Variants in CACNA2D1 observed in about 807,000 individuals in gnomAD.
The protein encoded by CACNA2D1 is calcium voltage-gated channel auxiliary subunit alpha2delta 1, also known as voltage-dependent calcium channel subunit alpha-2/delta-1.
In CACNA2D1, 53 loss-of-function variants were observed where a neutral mutation model predicts 171.5. That is an observed-to-expected ratio of 0.31 (90% CI 0.25 to 0.39). CACNA2D1 has a LOEUF of 0.39. Ranked by LOEUF, CACNA2D1 falls within the 10% of genes least tolerant of loss-of-function variation. The pLI is 1.00. For synonymous variants in CACNA2D1, 442 were observed against 443.1 expected (o/e 1.00, Z 0.03); for missense variants, 903 against 1,299.8 (o/e 0.69, Z 4.69).
intron 34 of CACNA2D1, among the ~76,000 whole-genome samples, chr7:81,962,801 C>T (rs1235318050): frequency 6.6e-6 from 1 of 151,922 alleles, no homozygotes; most frequent in Non-Finnish European, 1.5e-5. Flanking sequence ...TCTGTTTCAG[C>T]GCGTAGGTTT....
chr7:82,391,611 T>C (rs1436759063), intron 1 of CACNA2D1, among the ~76,000 whole-genome samples: 3 of 152,254 alleles, frequency 2.0e-5, no homozygotes, highest in African/African-American at 7.2e-5. Flanking sequence ...TTGTCTTTTA[T>C]GTTTTGTTTC....
chr7:82,418,294 A>G (rs73388010), intron 1 of CACNA2D1, among the ~76,000 whole-genome samples: 7,439 of 152,184 alleles, frequency 0.049, 328 homozygotes, highest in East Asian at 0.12. Context: ...CCCCTACCAC[A>G]ACACATGGGG....
rs71093370 is a variant in CACNA2D1 at position 82,232,861 on chromosome 7, C to CAAA, written c.295-62255_295-62253dup. Among the ~76,000 whole-genome samples the CAAA allele has an allele frequency of 3.1e-3, 163 of 52,462 alleles. 10 individuals are homozygous for CAAA. The highest frequency in any genetic ancestry group is 7.1e-3 in the Admixed American group (19 of 2,672). 34.4% of individuals were successfully genotyped at this position (52,462 alleles called of 152,430 possible). A position where few individuals can be genotyped will look rare whatever the true frequency, so the allele number is the denominator to read the frequency against. ...CCTGGGCAACAGAGCGAGATGTCTCCAAAAAAAAAAAAAAAAAAAAAAAAA... is the reference window on the plus strand; with the variant it reads ...CCTGGGCAACAGAGCGAGATGTCTCCAAAAAAAAAAAAAAAAAAAAAAAAAAAA... On this transcript the variant is annotated intron_variant, in intron 3 of 38. Coordinates refer to ENST00000356860, the MANE Select transcript of CACNA2D1 (RefSeq NM_000722.4).
chr7:82,120,223 T>C (rs535997649), intron 5 of CACNA2D1, among the ~76,000 whole-genome samples: 2 of 152,192 alleles, frequency 1.3e-5, no homozygotes, highest in East Asian at 3.9e-4. Context: ...GTGTGTAGGA[T>C]CCTGTGTGAT....
chr7:82,290,102 C>T (rs1027658507), intron 3 of CACNA2D1, among the ~76,000 whole-genome samples: 1 of 152,056 alleles, frequency 6.6e-6, no homozygotes, highest in Non-Finnish European at 1.5e-5. Flanking sequence ...AAAGTAATTG[C>T]GGTTTTTGCC....
chr7:82,358,210 T>C (rs1387044863), intron 1 of CACNA2D1, among the ~76,000 whole-genome samples: 1 of 152,156 alleles, frequency 6.6e-6, no homozygotes, highest in Admixed American at 6.6e-5. Flanking sequence ...CCTATTTTTG[T>C]TATATAATAA....
intron 1 of CACNA2D1, among the ~76,000 whole-genome samples, chr7:82,357,545 T>C (rs1356394950): frequency 6.6e-6 from 1 of 152,150 alleles, no homozygotes; most frequent in Non-Finnish European, 1.5e-5. Flanking sequence ...GGATAAGTCC[T>C]CTGGAAAAAA....
chr7:82,002,501 C>G (rs1211254486), intron 18 of CACNA2D1, among the ~76,000 whole-genome samples: 2 of 152,154 alleles, frequency 1.3e-5, no homozygotes, highest in Non-Finnish European at 2.9e-5. Flanking sequence ...CCTTTGTTTT[C>G]TGAAGTGATA....
chr7:82,124,256 A>T (rs1790077566), intron 5 of CACNA2D1, among the ~76,000 whole-genome samples: 1 of 152,278 alleles, frequency 6.6e-6, no homozygotes, highest in African/African-American at 2.4e-5. Flanking sequence ...CTAAATCAAA[A>T]GGAAAACTCA....
intron 24 of CACNA2D1, among the ~76,000 whole-genome samples, chr7:81,982,344 G>T (rs751090637): frequency 6.6e-6 from 1 of 152,150 alleles, no homozygotes; most frequent in African/African-American, 2.4e-5. Context: ...TGGCCAGATG[G>T]TCTTGATCTT....
intron 6 of CACNA2D1, among the ~76,000 whole-genome samples, chr7:82,104,837 T>C (rs995989875): frequency 6.6e-6 from 1 of 152,114 alleles, no homozygotes; most frequent in African/African-American, 2.4e-5. Flanking sequence ...AATATATCAA[T>C]AGTATTCTTC....
chr7:82,403,866 A>G (rs1826731021), intron 1 of CACNA2D1, among the ~76,000 whole-genome samples: 2 of 152,234 alleles, frequency 1.3e-5, no homozygotes, highest in African/African-American at 4.8e-5. Context: ...CTGAAAGACA[A>G]AAGTATTTTT....
intron 2 of CACNA2D1, among the ~76,000 whole-genome samples, chr7:82,341,850 A>G (rs1818674506): frequency 6.6e-6 from 1 of 151,434 alleles, no homozygotes; most frequent in South Asian, 2.1e-4. Context: ...GATCCAGACC[A>G]TCCTGGCTAA....
intron 9 of CACNA2D1, 40 bp from the exon 10 acceptor site, chr7:82,060,567 T>C (rs1350342844): frequency 8.6e-7 from 1 of 1,164,982 alleles, no homozygotes; most frequent in African/African-American, 1.5e-5. Flanking sequence ...TTACTCATCA[T>C]GTATTTAATC....
chr7:82,035,920 A>G (rs1282589410), intron 11 of CACNA2D1, among the ~76,000 whole-genome samples: 1 of 152,148 alleles, frequency 6.6e-6, no homozygotes, highest in Non-Finnish European at 1.5e-5. Context: ...TAACAAACAT[A>G]TGCATCTCAC....
At chr7:82,147,018 C>A (rs10229348) in intron 4 of CACNA2D1, among the ~76,000 whole-genome samples, 32,523 of 94,652 alleles carry the variant, frequency 0.34, 4,763 homozygotes, top group East Asian at 0.44. Context: ...AAAAAAAAAG[C>A]AGCTATTAGA....
At chr7:82,431,699 T>A (rs1186531109) in intron 1 of CACNA2D1, among the ~76,000 whole-genome samples, 4 of 152,102 alleles carry the variant, frequency 2.6e-5, no homozygotes, top group Non-Finnish European at 5.9e-5. Flanking sequence ...AAAACAAAGA[T>A]AATAATAATA....
Position 81,948,117 on chromosome 7 carries a change from T to C in CACNA2D1, c.*2275A>G, listed in dbSNP as rs10226282. On this transcript the variant is annotated 3_prime_UTR_variant, in exon 39 of 39. Transcript: ENST00000356860. ...CATAATTTTAAGGTAGTTTGTTGTA[T>C]GCTGGAAGCAATTCAATTGTTTTAA... 1.3e-5 allele frequency: 2 copies of C among 151,656 alleles called. No individual in the cohort carries two copies. The highest frequency in any genetic ancestry group is 2.4e-5 in the African/African-American group (1 of 41,356). The allele number at this position is 151,656 out of a possible 1,614,324, so 9.4% of individuals were successfully genotyped here.
At chr7:82,030,446 A>G (rs1049916513) in intron 12 of CACNA2D1, among the ~76,000 whole-genome samples, 1 of 151,524 alleles carries the variant, frequency 6.6e-6, no homozygotes. Flanking sequence ...CTGAATTTAC[A>G]TGAAAGCAAC....
Sources: allele counts gnomAD v4.1 joint callset (sites outside exome capture counted in the v4.1 genomes callset), GRCh38; gene constraint gnomAD v4.1.1; transcripts MANE v1.5; gene names NCBI Gene and HGNC (gene_info 2026-07-23, HGNC 2026-07-21).